GCSAML: variants seen among roughly 807,000 people sequenced by gnomAD.
GCSAML encodes germinal center associated signaling and motility like, also known as germinal center-associated signaling and motility-like protein.
GCSAML carries 9 observed loss-of-function variants against 13.0 expected under a neutral mutation model. The ratio of observed to expected loss-of-function variants is 0.69; its 90% CI spans 0.42 to 1.21. The LOEUF (loss-of-function observed/expected upper bound fraction) is 1.21, where lower values mean the gene tolerates loss of function less well. GCSAML is among the 50% of genes most tolerant of loss of function. The pLI, the probability that GCSAML is intolerant of heterozygous loss-of-function variation, is 0.00. For synonymous variants in GCSAML, 37 were observed against 52.9 expected, an observed-to-expected ratio of 0.70 and a Z score of 1.31; for missense variants, 143 against 153.4, an observed-to-expected ratio of 0.93 and a Z score of 0.36.
chr1:247,511,457 G>A (rs942360760), intron 1 of GCSAML, among the ~76,000 whole-genome samples: 1 of 152,052 alleles, frequency 6.6e-6, no homozygotes, highest in African/African-American at 2.4e-5. Flanking sequence ...GATGGGTCTT[G>A]ACTCTTTATT....
At chr1:247,514,493 CTTTG>C (rs777637739) in intron 1 of GCSAML, among the ~76,000 whole-genome samples, 5 of 152,034 alleles carry the variant, frequency 3.3e-5, no homozygotes, top group Non-Finnish European at 4.4e-5. Flanking sequence ...ATCTATTTAT[CTTTG>C]TTTTTGTTCC....
At chr1:247,558,592 A>G (rs1668028494) in intron 2 of GCSAML, among the ~76,000 whole-genome samples, 1 of 152,118 alleles carries the variant, frequency 6.6e-6, no homozygotes, top group Non-Finnish European at 1.5e-5. Flanking sequence ...AGGATGTCAT[A>G]GTATCATTGC....
At chr1:247,507,613 G>A (rs1665875733) in intron 1 of GCSAML, among the ~76,000 whole-genome samples, 1 of 152,150 alleles carries the variant, frequency 6.6e-6, no homozygotes, top group East Asian at 1.9e-4. Context: ...ATGGTGGTTT[G>A]CTGCACCTAT....
At chr1:247,570,673 A>G (rs980419309) in intron 4 of GCSAML, among the ~76,000 whole-genome samples, 44 of 152,154 alleles carry the variant, frequency 2.9e-4, no homozygotes, top group Non-Finnish European at 5.9e-5. Flanking sequence ...GCTGAGAAGA[A>G]TATATATTTT....
upstream of GCSAML, among the ~76,000 whole-genome samples, chr1:247,546,884 GT>G (rs1667600907): frequency 6.6e-6 from 1 of 150,612 alleles, no homozygotes; most frequent in Non-Finnish European, 1.5e-5. Flanking sequence ...CAACTCAGGA[GT>G]TTGAGACCAG....
intron 1 of GCSAML, among the ~76,000 whole-genome samples, chr1:247,517,416 A>G (rs1666249813): frequency 6.6e-6 from 1 of 152,218 alleles, no homozygotes; most frequent in Admixed American, 6.5e-5. Flanking sequence ...ACTGGAACAA[A>G]AAAATGTAAA....
At chr1:247,549,472 CAT>C (rs1491295863) in intron 1 of GCSAML, among the ~76,000 whole-genome samples, 2 of 151,982 alleles carry the variant, frequency 1.3e-5, no homozygotes, top group East Asian at 3.9e-4. Context: ...TCCAGAAAAA[CAT>C]TTTTTTTTTT....
chr1:247,538,279 A>G (rs755106172), intron 2 of GCSAML, among the ~76,000 whole-genome samples: 83 of 152,346 alleles, frequency 5.4e-4, no homozygotes, highest in Admixed American at 3.2e-3. Context: ...ACCCTTGTCA[A>G]AAATCAAGTG....
upstream of GCSAML, among the ~76,000 whole-genome samples, chr1:247,547,474 A>T (rs1291013142): frequency 6.6e-6 from 1 of 152,246 alleles, no homozygotes; most frequent in Non-Finnish European, 1.5e-5. Context: ...TTCGGTGACT[A>T]AAAACTAACA....
chr1:247,534,999 A>C (rs1246491015), intron 2 of GCSAML, among the ~76,000 whole-genome samples: 2 of 152,124 alleles, frequency 1.3e-5, no homozygotes, highest in African/African-American at 4.8e-5. Flanking sequence ...CCTGGAGAAT[A>C]CATTCCAACC....
rs141329255 is a variant in GCSAML at position 247,574,245 on chromosome 1, A to G, written c.271A>G (p.Asn91Asp). 140 of 1,614,098 alleles carry G rather than the reference A, an allele frequency of 8.7e-5. No individual in the cohort carries two copies. The African/African-American group carries it at 1.7e-3, about 19-fold the overall frequency. Residue 91 changes from asparagine (N) to aspartate (D), a missense_variant, in exon 5 of 5, where the codon AAC becomes GAC. Asn to Asp is a conservative substitution (Grantham distance 23). Coordinates refer to ENST00000366488, the MANE Select transcript of GCSAML (RefSeq NM_145278.5). ...SLSSNDDGYE[N>D]IDSLTRKVRQ... Reference sequence around the variant, plus strand: ...GAGCTCCAATGATGATGGCTATGAGAACATTGACTCCCTCACAAGGAAAGT... The same window carrying G: ...GAGCTCCAATGATGATGGCTATGAGGACATTGACTCCCTCACAAGGAAAGT...
intron 4 of GCSAML, among the ~76,000 whole-genome samples, 156 bp from the exon 5 acceptor site, chr1:247,573,987 G>A (rs1439415719): frequency 6.6e-6 from 1 of 152,006 alleles, no homozygotes; most frequent in African/African-American, 2.4e-5. Flanking sequence ...TTGGCTCTCT[G>A]CTTGTCTATT....
intron 4 of GCSAML, among the ~76,000 whole-genome samples, chr1:247,566,277 C>T (rs1260558233): frequency 6.6e-6 from 1 of 152,212 alleles, no homozygotes; most frequent in East Asian, 1.9e-4. Flanking sequence ...GAGTCACACT[C>T]TGTCATCCAG....
chr1:247,562,063 C>G (rs1572363084), intron 2 of GCSAML, among the ~76,000 whole-genome samples: 1 of 151,966 alleles, frequency 6.6e-6, no homozygotes, highest in Non-Finnish European at 1.5e-5. Flanking sequence ...AATTTACAGG[C>G]AAAATTGTAA....
rs1666696841 is a variant in GCSAML, at chr1:247,526,734, A to G, written c.-262-206A>G. Reference sequence around the variant, plus strand: ...TTTTCTGTCCTGTGAGAAGCCATCAAAGCCTATGGTTGCTGCAAGAGGAAT... The same window carrying G: ...TTTTCTGTCCTGTGAGAAGCCATCAGAGCCTATGGTTGCTGCAAGAGGAAT... On this transcript the variant is annotated intron_variant, in intron 1 of 5. Coordinates refer to the GCSAML transcript ENST00000366489. The surrounding 1 kb of genome is among the most constrained non-coding windows in gnomAD (Gnocchi z 4.8). 1 of 356,698 alleles carries G rather than the reference A, an allele frequency of 2.8e-6. No homozygotes were observed. The highest frequency in any genetic ancestry group is 5.5e-6 in the Non-Finnish European group (1 of 183,354). 22.1% of individuals were successfully genotyped at this position (356,698 alleles called of 1,614,324 possible). A position where few individuals can be genotyped will look rare whatever the true frequency, so the allele number is the denominator to read the frequency against.
At chr1:247,532,873 G>GGA (rs1667053618) in intron 2 of GCSAML, among the ~76,000 whole-genome samples, 1 of 43,084 alleles carries the variant, frequency 2.3e-5, no homozygotes, top group African/African-American at 9.1e-5. Flanking sequence ...AAAAGACTGG[G>GGA]TGGGGGGTGT....
At chr1:247,542,953 T>C (rs1372786982) in intron 2 of GCSAML, among the ~76,000 whole-genome samples, 1 of 152,222 alleles carries the variant, frequency 6.6e-6, no homozygotes, top group Non-Finnish European at 1.5e-5. Flanking sequence ...AGACAGAGGA[T>C]CTGTGTAGAG....
At chr1:247,562,328 C>G (rs150701718) in intron 2 of GCSAML, among the ~76,000 whole-genome samples, 1 of 152,028 alleles carries the variant, frequency 6.6e-6, no homozygotes, top group Non-Finnish European at 1.5e-5. Flanking sequence ...CAGTCCTCAG[C>G]GCGCCCGTGC....
intron 2 of GCSAML, chr1:247,532,125 C>T: frequency 6.2e-7 from 1 of 1,613,882 alleles, no homozygotes; most frequent in Non-Finnish European, 8.5e-7. Flanking sequence ...AATGGAGTGG[C>T]CTGCAGATGG....
Sources: gnomAD v4.1 joint callset for allele counts (sites outside exome capture counted in the v4.1 genomes callset) on GRCh38, gnomAD v4.1.1 for gene constraint, Gnocchi (gnomAD v3.1) non-coding constraint, MANE v1.5 for transcripts, NCBI Gene and HGNC (gene_info 2026-07-23, HGNC 2026-07-21) for gene names.